TRIP4: variants seen among roughly 807,000 people sequenced by gnomAD.
TRIP4 encodes thyroid hormone receptor interactor 4.
In TRIP4, 54 loss-of-function variants were observed where a neutral mutation model predicts 81.8. The observed-to-expected ratio is 0.66, with a 90% CI of 0.53 to 0.83. The LOEUF (loss-of-function observed/expected upper bound fraction) is 0.83. Ranked by LOEUF, TRIP4 falls within the 40% of genes least tolerant of loss-of-function variation. TRIP4 has a pLI of 0.00. For synonymous variants in TRIP4, 270 were observed against 242.8 expected, an observed-to-expected ratio of 1.11 and a Z score of -1.04; for missense variants, 662 against 683.6, an observed-to-expected ratio of 0.97 and a Z score of 0.35.
At chr15:64,423,973 G>A (rs1426666862) in intron 9 of TRIP4, 58 bp from the exon 10 acceptor site, 6 of 1,600,006 alleles carry the variant, frequency 3.7e-6, no homozygotes, top group Non-Finnish European at 5.1e-6. Context: ...TATATATTAT[G>A]GGATATTCCA....
At chr15:64,399,461 C>T (rs1398289770) in intron 4 of TRIP4, among the ~76,000 whole-genome samples, 1 of 152,040 alleles carries the variant, frequency 6.6e-6, no homozygotes, top group Non-Finnish European at 1.5e-5. Flanking sequence ...AGTGTTTTCT[C>T]CTAGGTCCCT....
intron 11 of TRIP4, among the ~76,000 whole-genome samples, chr15:64,427,959 T>C (rs1266926723): frequency 6.6e-6 from 1 of 151,944 alleles, no homozygotes; most frequent in Non-Finnish European, 1.5e-5. Flanking sequence ...CCCCCCTCTT[T>C]TTTTTTCCCC....
At chr15:64,403,702 TG>T in intron 5 of TRIP4, among the ~76,000 whole-genome samples, 1 of 152,206 alleles carries the variant, frequency 6.6e-6, no homozygotes, top group Non-Finnish European at 1.5e-5. Context: ...TCTTTTAACT[TG>T]GTTTATTATA....
chr15:64,453,445 C>T (rs774278460), intron 12 of TRIP4, among the ~76,000 whole-genome samples: 1 of 152,134 alleles, frequency 6.6e-6, no homozygotes, highest in African/African-American at 2.4e-5. Context: ...GAGCGTCTAC[C>T]ATTTGGCAGT....
At chr15:64,400,634 C>G (rs1341647778) in intron 4 of TRIP4, 109 bp from the exon 5 acceptor site, 2 of 797,620 alleles carry the variant, frequency 2.5e-6, no homozygotes, top group Middle Eastern at 2.4e-4. Flanking sequence ...CCAATAGTCT[C>G]ATTATTTTAT....
intron 11 of TRIP4, among the ~76,000 whole-genome samples, chr15:64,440,739 T>TATTTA (rs965002092): frequency 4.6e-5 from 7 of 152,170 alleles, no homozygotes; most frequent in Non-Finnish European, 1.0e-4. Context: ...AACCTATTGT[T>TATTTA]ATTTAATTTG....
chr15:64,400,325 A>T (rs932280409), intron 4 of TRIP4, among the ~76,000 whole-genome samples: 5 of 148,176 alleles, frequency 3.4e-5, no homozygotes, highest in Non-Finnish European at 1.5e-5. Flanking sequence ...GGCACACACC[A>T]CCACGCCAGG....
intron 11 of TRIP4, among the ~76,000 whole-genome samples, chr15:64,444,381 A>G (rs536340378): frequency 6.6e-6 from 1 of 152,320 alleles, no homozygotes; most frequent in East Asian, 1.9e-4. Context: ...CTAACTATTC[A>G]CACAGATTTG....
chr15:64,393,932 C>T lies in TRIP4; in HGVS notation c.102-14C>T. 1.3e-6 allele frequency: 2 copies of T among 1,565,410 alleles called. No homozygotes were observed. The highest frequency in any genetic ancestry group is 1.7e-6 in the Non-Finnish European group (2 of 1,157,730). ...TTAGTCTTGTTTCAACAACTTATAT[C>T]TTTGCCTCCTGAGGTACGTTTTGTC... On this transcript the variant is annotated splice_polypyrimidine_tract_variant and intron_variant, in intron 1 of 12. Transcript: ENST00000261884.
intron 11 of TRIP4, among the ~76,000 whole-genome samples, chr15:64,431,847 A>ATATTTTT: frequency 0.011 from 1,315 of 119,544 alleles, 15 homozygotes; most frequent in Non-Finnish European, 0.015. Flanking sequence ...ATATATATAT[A>ATATTTTT]TTTTTTTTAT....
At chr15:64,429,317 CA>C (rs201520082) in intron 11 of TRIP4, among the ~76,000 whole-genome samples, 2 of 150,846 alleles carry the variant, frequency 1.3e-5, no homozygotes, top group Non-Finnish European at 3.0e-5. Context: ...AATTCTGTCT[CA>C]AAAAAAATAA....
At chr15:64,435,504 C>T (rs111435813) in intron 11 of TRIP4, among the ~76,000 whole-genome samples, 9,895 of 136,518 alleles carry the variant, frequency 0.072, 1,129 homozygotes, top group African/African-American at 0.25. Flanking sequence ...CCAACCTGGG[C>T]GACAGAGTGA....
At chr15:64,421,235 T>C (rs1440394847) in intron 9 of TRIP4, among the ~76,000 whole-genome samples, 2 of 150,988 alleles carry the variant, frequency 1.3e-5, no homozygotes, top group Admixed American at 1.3e-4. Context: ...TGAGCCAAGA[T>C]TGCATCATTG....
chr15:64,410,024 G>GTTTTTTTTT (rs200868565), intron 7 of TRIP4, among the ~76,000 whole-genome samples, 196 bp downstream of exon 7: 1 of 133,864 alleles, frequency 7.5e-6, no homozygotes, highest in Non-Finnish European at 1.6e-5. Context: ...TTGTGGTTTG[G>GTTTTTTTTT]TTTTTTTTTT....
intron 7 of TRIP4, among the ~76,000 whole-genome samples, chr15:64,413,344 C>A (rs187092640): frequency 6.6e-6 from 1 of 151,876 alleles, no homozygotes; most frequent in Non-Finnish European, 1.5e-5. Flanking sequence ...CCATGCCCAG[C>A]TAATTTATTT....
intron 11 of TRIP4, among the ~76,000 whole-genome samples, chr15:64,432,141 TC>T (rs1892292949): frequency 1.3e-5 from 2 of 151,422 alleles, no homozygotes; most frequent in Admixed American, 6.6e-5. Flanking sequence ...TGCCTCGGCC[TC>T]CCAAAGTGCT....
At chr15:64,405,345 A>G (rs1044723825) in intron 5 of TRIP4, among the ~76,000 whole-genome samples, 2 of 151,690 alleles carry the variant, frequency 1.3e-5, no homozygotes, top group Non-Finnish European at 2.9e-5. Flanking sequence ...TAGTGGAGAC[A>G]GGGTTTCACC....
intron 1 of TRIP4, among the ~76,000 whole-genome samples, chr15:64,391,673 A>G (rs1050710252): frequency 6.6e-6 from 1 of 151,860 alleles, no homozygotes; most frequent in Non-Finnish European, 1.5e-5. Flanking sequence ...GGTTGTTTGA[A>G]AAATACTCCA....
intron 7 of TRIP4, among the ~76,000 whole-genome samples, chr15:64,411,227 G>A (rs1239313780): frequency 6.6e-6 from 1 of 152,102 alleles, no homozygotes; most frequent in Admixed American, 6.6e-5. Flanking sequence ...TAGTTATAAT[G>A]GTAAATACAT....
Sources: allele counts gnomAD v4.1 joint callset (sites outside exome capture counted in the v4.1 genomes callset), GRCh38; gene constraint gnomAD v4.1.1; transcripts MANE v1.5; gene names NCBI Gene and HGNC (gene_info 2026-07-23, HGNC 2026-07-21).